The following TTBK2 variants were observed in gnomAD, a reference collection of about 807,000 sequenced individuals.
TTBK2 encodes tau tubulin kinase 2.
Under a neutral mutation model 110.8 loss-of-function variants are expected in TTBK2, and 28 were observed. The observed-to-expected ratio is 0.25, with a 90% confidence interval of 0.19 to 0.35. TTBK2 has a LOEUF of 0.35. Ranked by LOEUF, TTBK2 falls within the 10% of genes least tolerant of loss-of-function variation. TTBK2 has a pLI of 1.00. For missense variants in TTBK2, 1,369 were observed against 1,500.3 expected, an observed-to-expected ratio of 0.91 and a Z score of 1.45; for synonymous variants, 532 against 527.3, an observed-to-expected ratio of 1.01 and a Z score of -0.12.
chr15:42,836,166 T>C (rs890168408), intron 4 of TTBK2, among the ~76,000 whole-genome samples: 3 of 151,652 alleles, frequency 2.0e-5, no homozygotes, highest in Non-Finnish European at 1.5e-5. Context: ...AAAAAAAAAA[T>C]GTGTACAACT....
At chr15:42,754,039 A>G (rs1053402510) in intron 13 of TTBK2, among the ~76,000 whole-genome samples, 3 of 151,948 alleles carry the variant, frequency 2.0e-5, no homozygotes, top group Non-Finnish European at 4.4e-5. Flanking sequence ...ACAAGTAAAG[A>G]CATACAAAGG....
chr15:42,791,355 T>A (rs1004723239), intron 10 of TTBK2, among the ~76,000 whole-genome samples: 9 of 152,150 alleles, frequency 5.9e-5, no homozygotes, highest in Non-Finnish European at 1.2e-4. Flanking sequence ...TACTATTTGG[T>A]TTCTCAGTTT....
At chr15:42,766,288 A>C (rs1052838314) in intron 13 of TTBK2, among the ~76,000 whole-genome samples, 1 of 151,890 alleles carries the variant, frequency 6.6e-6, no homozygotes, top group Non-Finnish European at 1.5e-5. Flanking sequence ...TTAAATGTAA[A>C]TGAGCTAAAT....
intron 13 of TTBK2, among the ~76,000 whole-genome samples, chr15:42,756,472 G>A (rs2061949097): frequency 6.6e-6 from 1 of 151,848 alleles, no homozygotes; most frequent in Non-Finnish European, 1.5e-5. Flanking sequence ...TGTAATACCA[G>A]CTACTTGGGA....
chr15:42,883,661 G>A (rs958048241), intron 1 of TTBK2, among the ~76,000 whole-genome samples: 10 of 151,894 alleles, frequency 6.6e-5, no homozygotes, highest in Admixed American at 5.9e-4. Context: ...TCCAAAAGTA[G>A]ACAGAAAGAA....
intron 1 of TTBK2, among the ~76,000 whole-genome samples, chr15:42,894,143 C>T (rs746040308): frequency 6.6e-6 from 1 of 152,178 alleles, no homozygotes; most frequent in Non-Finnish European, 1.5e-5. Flanking sequence ...CCCCTGCACA[C>T]GCTCTCTTGC....
At chr15:42,867,728 C>G (rs1894431987) in intron 3 of TTBK2, among the ~76,000 whole-genome samples, 1 of 152,194 alleles carries the variant, frequency 6.6e-6, no homozygotes, top group African/African-American at 2.4e-5. Flanking sequence ...CATTCATGAG[C>G]TGATGAGAAC....
At chr15:42,818,703 G>C (rs1323253984) in intron 6 of TTBK2, among the ~76,000 whole-genome samples, 1 of 152,030 alleles carries the variant, frequency 6.6e-6, no homozygotes, top group African/African-American at 2.4e-5. Flanking sequence ...CGGGGCGACA[G>C]AACGAGACTC....
At chr15:42,899,837 G>T (rs1193532403) in intron 1 of TTBK2, among the ~76,000 whole-genome samples, 1 of 151,482 alleles carries the variant, frequency 6.6e-6, no homozygotes, top group Non-Finnish European at 1.5e-5. Context: ...AGGAGGCGGA[G>T]GTTGCAGTGA....
intron 6 of TTBK2, among the ~76,000 whole-genome samples, chr15:42,819,104 T>C (rs1014496537): frequency 2.0e-5 from 3 of 151,254 alleles, no homozygotes; most frequent in Admixed American, 6.6e-5. Flanking sequence ...GTTTTTTTTT[T>C]CTTAAGTAAC....
intron 2 of TTBK2, among the ~76,000 whole-genome samples, chr15:42,876,095 T>C (rs1449301083): frequency 1.3e-5 from 2 of 152,056 alleles, no homozygotes; most frequent in Non-Finnish European, 2.9e-5. Flanking sequence ...ACAATCTTCC[T>C]AGTGCCACAT....
At chr15:42,756,412 C>G (rs1235501323) in intron 13 of TTBK2, among the ~76,000 whole-genome samples, 3 of 152,078 alleles carry the variant, frequency 2.0e-5, no homozygotes, top group African/African-American at 4.8e-5. Context: ...ATGGTGAAAC[C>G]CTCTCTCTAC....
chr15:42,828,142 T>G lies in TTBK2; in HGVS notation c.433-110A>C, dbSNP rs1413494328. ...CTATTTAAGCTCTATATAACACACA[T>G]GTTCCAAATATACTATTCTAGTAAA... is the stretch of plus-strand genomic sequence containing the variant. On this transcript the variant is annotated intron_variant, in intron 5 of 14. Transcript: ENST00000267890. 9.9e-6 allele frequency: 8 copies of G among 805,648 alleles called. No individual in the cohort carries two copies. In the Admixed American group the frequency reaches 1.9e-4, roughly 19 times the overall value. The allele number at this position is 805,648 out of a possible 1,614,324, so 49.9% of individuals were successfully genotyped here. A position where few individuals can be genotyped will look rare whatever the true frequency, so the allele number is the denominator to read the frequency against.
intron 1 of TTBK2, among the ~76,000 whole-genome samples, chr15:42,883,229 A>G (rs1220763148): frequency 6.6e-6 from 1 of 151,962 alleles, no homozygotes; most frequent in East Asian, 1.9e-4. Context: ...TAAAAATACA[A>G]AATTAGCCAG....
intron 13 of TTBK2, among the ~76,000 whole-genome samples, chr15:42,765,100 T>C (rs1335344111): frequency 1.3e-5 from 2 of 152,174 alleles, no homozygotes; most frequent in African/African-American, 2.4e-5. Context: ...ACCCCATCTG[T>C]AGGCCACCAT....
chr15:42,790,614 G>T (rs1890620925), intron 10 of TTBK2, among the ~76,000 whole-genome samples: 1 of 151,866 alleles, frequency 6.6e-6, no homozygotes, highest in South Asian at 2.1e-4. Flanking sequence ...TAATTTGGGG[G>T]GTGGGTATTT....
At chr15:42,755,875 T>C (rs1037814568) in intron 13 of TTBK2, among the ~76,000 whole-genome samples, 3 of 152,124 alleles carry the variant, frequency 2.0e-5, no homozygotes, top group Admixed American at 6.6e-5. Context: ...ATATTAAATG[T>C]CAAATACCAA....
chr15:42,753,025 T>C lies in TTBK2; in HGVS notation c.2221A>G (p.Met741Val), dbSNP rs2061890971. The C allele has an allele frequency of 6.2e-7, 1 of 1,614,110 alleles. No individual in the cohort carries two copies. Among genetic ancestry groups the C allele is most frequent in the Non-Finnish European group, 8.5e-7 (1 of 1,180,002 alleles). Reference protein sequence around the residue: ...GLQIDHIGHDMLPNIRESNKS... With the variant: ...GLQIDHIGHDVLPNIRESNKS... The stretch of plus-strand genomic sequence containing the variant: ...TTACTTTCTCTAATGTTGGGTAACA[T>C]GTCATGACCAATGTGATCTATCTGA... Residue 741 changes from methionine to valine, a missense_variant, in exon 14 of 15, where the codon ATG becomes GTG. Physicochemically the swap from Met to Val is conservative, Grantham distance 21. Transcript: ENST00000267890.
chr15:42,801,954 A>T (rs757941439), intron 9 of TTBK2: 50 of 1,586,308 alleles, frequency 3.2e-5, no homozygotes, highest in Non-Finnish European at 4.1e-5. Flanking sequence ...CCTGGCCCAG[A>T]GTCTCCAGCT....
Sources: gnomAD v4.1 joint callset for allele counts (sites outside exome capture counted in the v4.1 genomes callset) on GRCh38, gnomAD v4.1.1 for gene constraint, MANE v1.5 for transcripts, NCBI Gene and HGNC (gene_info 2026-07-23, HGNC 2026-07-21) for gene names.